The following RERE variants were observed in gnomAD, a reference collection of about 807,000 sequenced individuals.
The protein encoded by RERE is arginine-glutamic acid dipeptide repeats, also known as arginine-glutamic acid dipeptide repeats protein.
RERE carries 40 observed loss-of-function variants against 146.1 expected under a neutral mutation model. The observed-to-expected ratio is 0.27, with a 90% CI of 0.21 to 0.36. The LOEUF (loss-of-function observed/expected upper bound fraction) is 0.36, where lower values mean the gene tolerates loss of function less well. Among genes scored for constraint, RERE ranks in the 10% least tolerant of loss-of-function variants. The probability of loss-of-function intolerance (pLI) is 1.00; values close to 1 mark genes in which losing one functional copy is unlikely to be tolerated. For missense variants in RERE, 1,933 were observed against 2,138.7 expected, an observed-to-expected ratio of 0.90 and a Z score of 1.90; for synonymous variants, 1,003 against 866.0, an observed-to-expected ratio of 1.16 and a Z score of -2.78.
chr1:8,615,518 C>T (rs1013502100), intron 3 of RERE, among the ~76,000 whole-genome samples: 1 of 152,104 alleles, frequency 6.6e-6, no homozygotes, highest in Non-Finnish European at 1.5e-5. Context: ...ATATTTTAGA[C>T]AGCACATAAC....
chr1:8,583,961 TACA>T (rs1425753444), intron 4 of RERE, among the ~76,000 whole-genome samples: 1 of 151,814 alleles, frequency 6.6e-6, no homozygotes, highest in Non-Finnish European at 1.5e-5. Flanking sequence ...ACAAGGACAG[TACA>T]ACAACTGGGC....
At position 8,365,985 on chromosome 1, in the gene RERE, G is replaced by C; in HGVS notation, c.1285-11C>G. The C allele has an allele frequency of 6.2e-7, 1 of 1,612,078 alleles. No individual in the cohort carries two copies. Among genetic ancestry groups the C allele is most frequent in the Non-Finnish European group, 8.5e-7 (1 of 1,179,438 alleles). ...GGTGATCAGCTCCCCCTGCAGAAGA[G>C]AAGGGCTGACTGTGGGGGAGGGCCT... On this transcript the variant is annotated splice_polypyrimidine_tract_variant and intron_variant, in intron 12 of 22. Transcript: ENST00000400908.
rs780247760 is a variant in RERE, at chr1:8,365,804, C to G, written c.1447+8G>C. 1 of 1,614,004 alleles carries G rather than the reference C, an allele frequency of 6.2e-7. No individual in the cohort carries two copies. Among genetic ancestry groups the G allele is most frequent in the Non-Finnish European group, 8.5e-7 (1 of 1,179,930 alleles). On this transcript the variant is annotated splice_region_variant and intron_variant, in intron 13 of 22. Transcript: ENST00000400908. The stretch of plus-strand genomic sequence containing the variant: ...TCCGCCCACTGTGATGCCAAGACCC[C>G]TACTCACAGAATTCACTGGACGGGG...
chr1:8,508,291 A>T (rs931177007), intron 8 of RERE, among the ~76,000 whole-genome samples: 1 of 152,242 alleles, frequency 6.6e-6, no homozygotes, highest in Non-Finnish European at 1.5e-5. Context: ...AGAGAGAGGA[A>T]GGAGAATGGT....
At chr1:8,373,018 T>C (rs1642100377) in intron 12 of RERE, among the ~76,000 whole-genome samples, 1 of 152,182 alleles carries the variant, frequency 6.6e-6, no homozygotes, top group Admixed American at 6.5e-5. Flanking sequence ...CGAAGCTATT[T>C]CACAGGTCTT....
At chr1:8,682,225 T>G (rs1371276937) in intron 1 of RERE, among the ~76,000 whole-genome samples, 1 of 152,230 alleles carries the variant, frequency 6.6e-6, no homozygotes, top group Non-Finnish European at 1.5e-5. Context: ...TATTATAGGC[T>G]GTCTATAACA....
At chr1:8,591,261 T>G (rs1309094911) in intron 4 of RERE, among the ~76,000 whole-genome samples, 3 of 152,082 alleles carry the variant, frequency 2.0e-5, no homozygotes, top group African/African-American at 7.2e-5. Flanking sequence ...GTGAAGAGGC[T>G]TTTCTGGGAT....
intron 1 of RERE, among the ~76,000 whole-genome samples, chr1:8,711,218 A>G (rs1370692871): frequency 6.6e-6 from 1 of 150,986 alleles, no homozygotes; most frequent in South Asian, 2.1e-4. Flanking sequence ...AAGTATTTAA[A>G]GTATTATATC....
rs141685642 is a variant in RERE, at chr1:8,575,063, C to T, written c.523-17540G>A. Among the ~76,000 whole-genome samples, 71 of 152,296 alleles carry T rather than the reference C, an allele frequency of 4.7e-4. 1 individual carries two copies. Among genetic ancestry groups the T allele is most frequent in the African/African-American group, 1.7e-3 (69 of 41,576 alleles). ...TCTCTGGAAAGATACAAGAAGCTGGCAACAATTGTTGCCTCTGAGGAGGAG... is the reference window on the plus strand; with the variant it reads ...TCTCTGGAAAGATACAAGAAGCTGGTAACAATTGTTGCCTCTGAGGAGGAG... On this transcript the variant is annotated intron_variant, in intron 4 of 22. Transcript: ENST00000400908.
chr1:8,469,518 C>G (rs924541581), intron 10 of RERE, among the ~76,000 whole-genome samples: 17 of 152,096 alleles, frequency 1.1e-4, no homozygotes, highest in Non-Finnish European at 2.5e-4. Context: ...ATTCGGGAGG[C>G]TGAGGCAGGC....
At chr1:8,490,105 G>C (rs1428223845) in intron 10 of RERE, among the ~76,000 whole-genome samples, 1 of 150,928 alleles carries the variant, frequency 6.6e-6, no homozygotes, top group Admixed American at 6.6e-5. Context: ...GCTCACGCCT[G>C]TAATCCCAGC....
In RERE at chr1:8,364,163, T is replaced by C. The variant is rs775545953; in HGVS notation, c.1633A>G (p.Ile545Val). The change falls in exon 15 of 23, where the codon ATT (isoleucine) becomes GTT (valine). Residue 545 changes from isoleucine to valine, a missense_variant. By Grantham distance (29) the Ile-to-Val change is conservative. Transcript: ENST00000400908. The surrounding 1 kb of genome is among the most constrained non-coding windows in gnomAD (Gnocchi z 5.1). Reference protein sequence around the residue: ...HFKKYGELPPIEKPVDPPPFM... With the variant: ...HFKKYGELPPVEKPVDPPPFM... The stretch of plus-strand genomic sequence containing the variant: ...GGTGGCGGGTCCACGGGCTTCTCAA[T>C]GGGCGGGAGCTCACCGTATTTCTTG... 3 of 1,613,974 alleles carry C rather than the reference T, an allele frequency of 1.9e-6. No homozygotes were observed. Among genetic ancestry groups the C allele is most frequent in the Admixed American group, 1.7e-5 (1 of 59,992 alleles).
intron 8 of RERE, among the ~76,000 whole-genome samples, chr1:8,501,236 G>A (rs1198496258): frequency 4.3e-4 from 49 of 113,434 alleles, no homozygotes; most frequent in Admixed American, 3.6e-3. Context: ...CCGGCCGGCC[G>A]CCCCGTCCGG....
chr1:8,448,670 T>C (rs1047371810), intron 11 of RERE, among the ~76,000 whole-genome samples: 1 of 152,010 alleles, frequency 6.6e-6, no homozygotes, highest in African/African-American at 2.4e-5. Context: ...ATGCCTGCCG[T>C]GTGCAGAGGC....
intron 1 of RERE, among the ~76,000 whole-genome samples, chr1:8,725,421 C>T (rs1276972226): frequency 6.6e-6 from 1 of 152,060 alleles, no homozygotes; most frequent in Non-Finnish European, 1.5e-5. Context: ...CAAAAATTAT[C>T]CGGGCATGGT....
intron 12 of RERE, among the ~76,000 whole-genome samples, chr1:8,416,586 CAAAAAAAA>C (rs5772324): frequency 9.4e-6 from 1 of 105,966 alleles, no homozygotes; most frequent in Non-Finnish European, 1.9e-5. Context: ...ACTCCATCTC[CAAAAAAAA>C]AAAAAAAAGA....
At chr1:8,475,134 G>A (rs1001851515) in intron 10 of RERE, among the ~76,000 whole-genome samples, 3 of 152,206 alleles carry the variant, frequency 2.0e-5, no homozygotes, top group African/African-American at 7.2e-5. Flanking sequence ...AGAACTTTGG[G>A]AGGCTGAAGT....
chr1:8,732,917 GT>G (rs1640120628), intron 1 of RERE, among the ~76,000 whole-genome samples: 1 of 139,726 alleles, frequency 7.2e-6, no homozygotes, highest in Admixed American at 8.0e-5. Context: ...CGCCTCCCGG[GT>G]TCACGCCATT....
chr1:8,615,327 C>A (rs984146562), intron 3 of RERE, among the ~76,000 whole-genome samples: 3 of 152,132 alleles, frequency 2.0e-5, no homozygotes, highest in African/African-American at 7.2e-5. Context: ...AGGCACAGAG[C>A]ATAAAGTTCC....
Sources: allele counts gnomAD v4.1 joint callset (sites outside exome capture counted in the v4.1 genomes callset), GRCh38; gene constraint gnomAD v4.1.1; non-coding constraint Gnocchi (gnomAD v3.1); transcripts MANE v1.5; gene names NCBI Gene and HGNC (gene_info 2026-07-23, HGNC 2026-07-21).